The following ADGRV1 variants were observed in gnomAD, a reference collection of about 807,000 sequenced individuals.
ADGRV1 encodes adhesion G protein-coupled receptor V1, also known as G-protein coupled receptor 98.
Under a neutral mutation model 596.2 loss-of-function variants are expected in ADGRV1, and 359 were observed. The observed-to-expected ratio is 0.60, with a 90% CI of 0.55 to 0.66. ADGRV1 has a LOEUF of 0.66. ADGRV1 is among the 30% of genes least tolerant of loss of function. The probability of loss-of-function intolerance (pLI) is 0.00; values close to 1 mark genes in which losing one functional copy is unlikely to be tolerated. For missense variants in ADGRV1, 7,274 were observed against 7,575.6 expected (o/e 0.96, Z 1.48); for synonymous variants, 2,681 against 2,679.2 (o/e 1.00, Z -0.02).
At chr5:90,830,594 A>T (rs188923775) in intron 77 of ADGRV1, among the ~76,000 whole-genome samples, 286 of 152,196 alleles carry the variant, frequency 1.9e-3, no homozygotes, top group African/African-American at 6.7e-3. Context: ...ATATTTATTT[A>T]TATGTTTTCT....
At chr5:90,857,879 T>G (rs1440040628) in intron 82 of ADGRV1, among the ~76,000 whole-genome samples, 1 of 152,232 alleles carries the variant, frequency 6.6e-6, no homozygotes, top group African/African-American at 2.4e-5. Flanking sequence ...TTGATAGAAC[T>G]TGGCTAGTAC....
intron 5 of ADGRV1, among the ~76,000 whole-genome samples, chr5:90,623,319 GATAA>G (rs1474494543): frequency 6.6e-6 from 1 of 152,170 alleles, no homozygotes; most frequent in African/African-American, 2.4e-5. Flanking sequence ...GAACTTTTAT[GATAA>G]ATGTTTTCAA....
At chr5:90,991,977 A>G (rs530482800) in intron 85 of ADGRV1, among the ~76,000 whole-genome samples, 3 of 152,356 alleles carry the variant, frequency 2.0e-5, no homozygotes, top group Admixed American at 1.3e-4. Context: ...CTCTTCATGC[A>G]TTTGCTCAGG....
intron 34 of ADGRV1, among the ~76,000 whole-genome samples, chr5:90,697,846 T>TTA (rs1401079890): frequency 6.6e-6 from 1 of 152,122 alleles, no homozygotes; most frequent in Non-Finnish European, 1.5e-5. Context: ...ATTACATAGT[T>TTA]TATCTGGAAT....
intron 85 of ADGRV1, among the ~76,000 whole-genome samples, chr5:90,986,679 T>G (rs1335192734): frequency 6.6e-6 from 1 of 152,178 alleles, no homozygotes; most frequent in East Asian, 1.9e-4. Flanking sequence ...TATATTATAA[T>G]GTATTTTATG....
At chr5:90,595,763 G>T (rs1760381550) in intron 1 of ADGRV1, among the ~76,000 whole-genome samples, 1 of 141,236 alleles carries the variant, frequency 7.1e-6, no homozygotes, top group African/African-American at 2.7e-5. Context: ...TCACCTCCCG[G>T]ACGGGGTGGC....
intron 89 of ADGRV1, among the ~76,000 whole-genome samples, chr5:91,154,967 T>C (rs1453406894): frequency 1.3e-5 from 2 of 152,194 alleles, no homozygotes; most frequent in Non-Finnish European, 2.9e-5. Flanking sequence ...TACAATTGAC[T>C]CTTACAATTC....
chr5:90,848,945 A>G, intron 79 of ADGRV1, 124 bp downstream of exon 79: 1 of 626,540 alleles, frequency 1.6e-6, no homozygotes, highest in Non-Finnish European at 2.6e-6. Flanking sequence ...AATGCATTGT[A>G]CCACTTGGAA....
chr5:90,984,548 T>G (rs1221404336), intron 84 of ADGRV1, among the ~76,000 whole-genome samples: 2 of 152,148 alleles, frequency 1.3e-5, no homozygotes, highest in Non-Finnish European at 2.9e-5. Flanking sequence ...CAGTAGGAAA[T>G]AACAGATATA....
At chr5:90,795,076 A>G (rs1223019121) in intron 70 of ADGRV1, among the ~76,000 whole-genome samples, 2 of 147,168 alleles carry the variant, frequency 1.4e-5, no homozygotes, top group Non-Finnish European at 3.0e-5. Context: ...ACACCGATCT[A>G]GCTGCAGAAG....
At chr5:90,871,543 A>T (rs919443783) in intron 83 of ADGRV1, among the ~76,000 whole-genome samples, 2 of 152,196 alleles carry the variant, frequency 1.3e-5, no homozygotes, top group Non-Finnish European at 2.9e-5. Context: ...AATATTCTGA[A>T]TGAGGCTACA....
intron 85 of ADGRV1, among the ~76,000 whole-genome samples, chr5:91,016,408 T>C (rs192775812): frequency 5.3e-5 from 8 of 152,000 alleles, no homozygotes; most frequent in Middle Eastern, 6.8e-3. Flanking sequence ...CAGAGAAAAA[T>C]TACTTGTGAC....
At chr5:90,577,764 C>T (rs1180036757) in intron 1 of ADGRV1, among the ~76,000 whole-genome samples, 1 of 152,184 alleles carries the variant, frequency 6.6e-6, no homozygotes, top group Non-Finnish European at 1.5e-5. Flanking sequence ...GAAGGTTCTT[C>T]CATTAGTTTG....
At chr5:90,975,161 A>C (rs1439081209) in intron 84 of ADGRV1, among the ~76,000 whole-genome samples, 1 of 151,742 alleles carries the variant, frequency 6.6e-6, no homozygotes, top group African/African-American at 2.4e-5. Flanking sequence ...ATACCATCTC[A>C]CACCAGTTAG....
chr5:90,706,323 G>C lies in ADGRV1; in HGVS notation c.8659G>C (p.Val2887Leu). 1 of 1,613,150 alleles carries C rather than the reference G, an allele frequency of 6.2e-7. No homozygotes were observed. The highest frequency in any genetic ancestry group is 8.5e-7 in the Non-Finnish European group (1 of 1,179,530). Reference sequence around the variant, plus strand: ...CCTAGCAGAGCCAGAAGTTGATTTTGTCCCTATCATTGGCTTTCTGATTTT... The same window carrying C: ...CCTAGCAGAGCCAGAAGTTGATTTTCTCCCTATCATTGGCTTTCTGATTTT... ...GNLAEPEVDF[V>L]PIIGFLILEE... Residue 2887 changes from valine (V) to leucine (L), a missense_variant, in exon 38 of 90, where the codon GTC (valine) becomes CTC (leucine). Coordinates refer to ENST00000405460, the MANE Select transcript of ADGRV1 (RefSeq NM_032119.4).
Position 90,811,303 on chromosome 5 carries a change from C to A in ADGRV1, c.16043C>A (p.Thr5348Asn). The change falls in exon 74 of 90, where the codon ACT (threonine) becomes AAT (asparagine). Residue 5348 changes from threonine (T) to asparagine (N), a missense_variant. Thr to Asn is a moderately conservative substitution (Grantham distance 65, BLOSUM62 0). Around this residue, in one of 5 missense-constraint regions of ADGRV1, gnomAD observed 1,874 missense variants for 1,970.2 expected, o/e 0.95. Transcript: ENST00000405460. The stretch of plus-strand genomic sequence containing the variant: ...CAGATTGTGGAGGAGAAGGATGATA[C>A]TGGATTTGCAGCTTTTGCCATGGTT... ...GAQIVEEKDDTGFAAFAMVII... is the reference protein window; with the variant it reads ...GAQIVEEKDDNGFAAFAMVII... 1.2e-6 allele frequency: 2 copies of A among 1,609,684 alleles called. No individual in the cohort carries two copies. The highest frequency in any genetic ancestry group is 1.7e-6 in the Non-Finnish European group (2 of 1,178,020).
At chr5:90,757,487 G>C (rs1010489207) in intron 57 of ADGRV1, among the ~76,000 whole-genome samples, 3 of 151,914 alleles carry the variant, frequency 2.0e-5, no homozygotes, top group African/African-American at 7.3e-5. Context: ...CTCTTCCTGT[G>C]GACTTTAGTT....
At chr5:90,791,637 C>CACTGGAAA in intron 70 of ADGRV1, 2 of 341,944 alleles carry the variant, frequency 5.8e-6, no homozygotes, top group Non-Finnish European at 1.1e-5. Flanking sequence ...ACCTGCACAC[C>CACTGGAAA]CATGGACATG....
chr5:91,151,054 G>A (rs986393193), intron 88 of ADGRV1, among the ~76,000 whole-genome samples: 9 of 152,118 alleles, frequency 5.9e-5, no homozygotes, highest in Non-Finnish European at 1.5e-5. Context: ...AGGAGCCAAG[G>A]AAAACAGTAT....
Sources: allele counts gnomAD v4.1 joint callset (sites outside exome capture counted in the v4.1 genomes callset), GRCh38; gene constraint gnomAD v4.1.1; regional missense constraint gnomAD v4.1.1; transcripts MANE v1.5; gene names NCBI Gene and HGNC (gene_info 2026-07-23, HGNC 2026-07-21).